Variants in SYT1 observed in about 807,000 individuals in gnomAD.
SYT1 encodes the protein synaptotagmin 1, also known as synaptotagmin-1.
SYT1 carries 8 observed loss-of-function variants against 44.8 expected under a neutral mutation model. The observed-to-expected ratio is 0.18, with a 90% confidence interval of 0.10 to 0.32. The LOEUF is 0.32. Among genes scored for constraint, SYT1 ranks in the 10% least tolerant of loss-of-function variants. The pLI, the probability that SYT1 is intolerant of heterozygous loss-of-function variation, is 1.00. For synonymous variants in SYT1, 154 were observed against 188.8 expected (o/e 0.82, Z 1.51); for missense variants, 286 against 509.3 (o/e 0.56, Z 4.22).
intron 3 of SYT1, among the ~76,000 whole-genome samples, chr12:79,063,959 C>T (rs962733467): frequency 3.3e-5 from 5 of 152,146 alleles, no homozygotes; most frequent in African/African-American, 1.2e-4. Context: ...ATTCTCAAAG[C>T]ACCTAGGACA....
intron 9 of SYT1, among the ~76,000 whole-genome samples, chr12:79,396,866 A>C (rs1332281148): frequency 6.6e-6 from 1 of 152,206 alleles, no homozygotes; most frequent in East Asian, 1.9e-4. Context: ...AACATAAAAT[A>C]ATTTTGGGTG....
chr12:79,014,122 CAAAAAAAAAAAAAAAAG>C (rs529431376), intron 2 of SYT1, among the ~76,000 whole-genome samples: 5 of 39,732 alleles, frequency 1.3e-4, no homozygotes, highest in Non-Finnish European at 1.7e-4. Flanking sequence ...AGACTCTCTC[CAAAAAAAAAAAAAAAAG>C]AAAAAAAAAA....
At chr12:79,343,446 A>G (rs764808529) in intron 8 of SYT1, among the ~76,000 whole-genome samples, 6 of 152,306 alleles carry the variant, frequency 3.9e-5, no homozygotes, top group South Asian at 2.1e-4. Flanking sequence ...AATTCTACTG[A>G]CTCCATCACT....
intron 1 of SYT1, among the ~76,000 whole-genome samples, chr12:78,921,600 G>A (rs891959148): frequency 2.0e-5 from 3 of 151,864 alleles, no homozygotes; most frequent in African/African-American, 7.2e-5. Flanking sequence ...TGCTCAGGGT[G>A]GATAGAACAG....
chr12:79,451,786 T>A lies in SYT1; in HGVS notation c.*2662T>A, dbSNP rs533113380. 5.3e-5 allele frequency: 8 copies of A among 152,282 alleles called. No individual in the cohort carries two copies. The highest frequency in any genetic ancestry group is 1.9e-4 in the African/African-American group (8 of 41,556). The allele number at this position is 152,282 out of a possible 1,614,324, so 9.4% of individuals were successfully genotyped here. A position where few individuals can be genotyped will look rare whatever the true frequency, so the allele number is the denominator to read the frequency against. The stretch of plus-strand genomic sequence containing the variant: ...CTGCTTGAGTGTTTCTATGTGTGGG[T>A]TTTCCCTGTATCTTGTAGAAATGTT... On this transcript the variant is annotated 3_prime_UTR_variant, in exon 11 of 11. Coordinates refer to ENST00000261205, the MANE Select transcript of SYT1 (RefSeq NM_005639.3).
chr12:78,972,360 G>A (rs1321471173), intron 1 of SYT1, among the ~76,000 whole-genome samples: 1 of 151,696 alleles, frequency 6.6e-6, no homozygotes, highest in African/African-American at 2.4e-5. Context: ...TATTTTCTTT[G>A]CCAAGGTTCA....
intron 2 of SYT1, among the ~76,000 whole-genome samples, chr12:79,007,849 G>A (rs554371472): frequency 2.6e-4 from 39 of 151,992 alleles, no homozygotes; most frequent in South Asian, 6.2e-4. Flanking sequence ...TCTGAGATAG[G>A]AAATGCATGT....
At chr12:79,027,722 T>C (rs1001055903) in intron 2 of SYT1, among the ~76,000 whole-genome samples, 2 of 151,528 alleles carry the variant, frequency 1.3e-5, no homozygotes, top group Non-Finnish European at 3.0e-5. Flanking sequence ...TATTTTAATG[T>C]GGAACAATAG....
At chr12:78,886,710 C>T (rs2137066023) in intron 1 of SYT1, among the ~76,000 whole-genome samples, 1 of 151,968 alleles carries the variant, frequency 6.6e-6, no homozygotes, top group Middle Eastern at 3.4e-3. Flanking sequence ...GGGTTGTTTT[C>T]AGGGAGAATA....
intron 3 of SYT1, among the ~76,000 whole-genome samples, chr12:79,092,236 C>T (rs1440767543): frequency 6.6e-6 from 1 of 151,860 alleles, no homozygotes; most frequent in Admixed American, 6.6e-5. Flanking sequence ...ATAAAGTCAA[C>T]TTTAATTCCT....
At chr12:79,381,618 C>G (rs768937779) in intron 9 of SYT1, among the ~76,000 whole-genome samples, 3 of 152,134 alleles carry the variant, frequency 2.0e-5, no homozygotes, top group Non-Finnish European at 2.9e-5. Context: ...AGGTCTTTGT[C>G]GAGATAATAC....
At chr12:78,938,095 A>T (rs1878161758) in intron 1 of SYT1, among the ~76,000 whole-genome samples, 1 of 151,796 alleles carries the variant, frequency 6.6e-6, no homozygotes, top group South Asian at 2.1e-4. Context: ...AGGGCTAAAA[A>T]TAATTTTATC....
At chr12:79,399,548 A>G (rs547700956) in intron 9 of SYT1, among the ~76,000 whole-genome samples, 14 of 152,336 alleles carry the variant, frequency 9.2e-5, no homozygotes, top group African/African-American at 3.1e-4. Flanking sequence ...CCCATCTTCC[A>G]TAACATATTA....
chr12:79,180,493 A>T (rs946319723), intron 3 of SYT1, among the ~76,000 whole-genome samples: 1 of 150,134 alleles, frequency 6.7e-6, no homozygotes, highest in Non-Finnish European at 1.5e-5. Context: ...TTTTTTAAAA[A>T]AAGGAGTTTT....
At position 79,163,437 on chromosome 12, in the gene SYT1, C is replaced by T. The variant is rs145876225; in HGVS notation, c.-17-54066C>T. 1.2e-3 allele frequency among the ~76,000 whole-genome samples: 180 copies of T among 152,212 alleles called. 2 individuals are homozygous for T. Among genetic ancestry groups the T allele is most frequent in the African/African-American group, 4.0e-3 (167 of 41,564 alleles). On this transcript the variant is annotated intron_variant, in intron 3 of 10. Transcript: ENST00000261205. Reference sequence around the variant, plus strand: ...TACAGTATCAATAATGAAAGTAGCTCATGCATCCTAAGGGGTCACTATGTG... The same window carrying T: ...TACAGTATCAATAATGAAAGTAGCTTATGCATCCTAAGGGGTCACTATGTG...
At chr12:78,938,616 TA>T (rs1878191840) in intron 1 of SYT1, among the ~76,000 whole-genome samples, 1 of 152,150 alleles carries the variant, frequency 6.6e-6, no homozygotes, top group Non-Finnish European at 1.5e-5. Context: ...CCAAGCATAC[TA>T]AATTACAGAA....
intron 9 of SYT1, among the ~76,000 whole-genome samples, chr12:79,391,677 A>C (rs1010650161): frequency 6.6e-6 from 1 of 152,218 alleles, no homozygotes; most frequent in African/African-American, 2.4e-5. Context: ...TAGAATTTTT[A>C]GTTGATTCCC....
intron 4 of SYT1, among the ~76,000 whole-genome samples, chr12:79,252,960 T>C (rs979643094): frequency 2.0e-5 from 3 of 152,120 alleles, no homozygotes; most frequent in Non-Finnish European, 2.9e-5. Flanking sequence ...TATTCCCACA[T>C]AGCAATACAA....
intron 9 of SYT1, among the ~76,000 whole-genome samples, chr12:79,407,193 G>A (rs776155664): frequency 3.9e-5 from 6 of 151,900 alleles, no homozygotes; most frequent in Non-Finnish European, 7.4e-5. Flanking sequence ...GAACTCCCCC[G>A]GGATGATCTG....
Sources: allele counts gnomAD v4.1 joint callset (sites outside exome capture counted in the v4.1 genomes callset), GRCh38; gene constraint gnomAD v4.1.1; transcripts MANE v1.5; gene names NCBI Gene and HGNC (gene_info 2026-07-23, HGNC 2026-07-21).